HECW1: variants seen among roughly 807,000 people sequenced by gnomAD.
HECW1 encodes HECT, C2 and WW domain containing E3 ubiquitin protein ligase 1, also known as E3 ubiquitin-protein ligase HECW1.
A neutral mutation model predicts 182.3 loss-of-function variants in HECW1; 61 were observed. That is an observed-to-expected ratio of 0.33 (90% CI 0.27 to 0.41). HECW1 has a LOEUF of 0.41. HECW1 is among the 10% of genes least tolerant of loss of function. The pLI is 1.00. For synonymous variants in HECW1, 859 were observed against 832.6 expected (o/e 1.03, Z -0.55); for missense variants, 1,739 against 2,108.9 (o/e 0.82, Z 3.44).
At chr7:43,335,631 A>T (rs1339202888) in intron 5 of HECW1, among the ~76,000 whole-genome samples, 2 of 152,218 alleles carry the variant, frequency 1.3e-5, no homozygotes, top group Non-Finnish European at 2.9e-5. Flanking sequence ...AGCAGTCCAA[A>T]ATGACTTAGA....
At chr7:43,205,975 A>G (rs1240385036) in intron 2 of HECW1, among the ~76,000 whole-genome samples, 1 of 152,032 alleles carries the variant, frequency 6.6e-6, no homozygotes, top group Non-Finnish European at 1.5e-5. Context: ...ACCCCTCCCC[A>G]TCCAGGACAC....
Position 43,114,240 on chromosome 7 carries a change from T to G in HECW1, c.-183T>G. ...GAGGGAGGCATCTTCTCTCTTTTCC[T>G]GGGATTTAAACGCGATTTAGGAGGG... On this transcript the variant is annotated 5_prime_UTR_variant, in exon 2 of 30. Transcript: ENST00000395891. 2 of 1,362,474 alleles carry G rather than the reference T, an allele frequency of 1.5e-6. No homozygotes were observed. Among genetic ancestry groups the G allele is most frequent in the Non-Finnish European group, 9.7e-7 (1 of 1,034,718 alleles). 84.4% of individuals were successfully genotyped at this position (1,362,474 alleles called of 1,614,324 possible).
chr7:43,129,461 C>T (rs948827744), intron 2 of HECW1, among the ~76,000 whole-genome samples: 1 of 152,052 alleles, frequency 6.6e-6, no homozygotes, highest in African/African-American at 2.4e-5. Flanking sequence ...AATGCTATTG[C>T]ACTGCTAATA....
chr7:43,551,645 G>A (rs1469904401), intron 27 of HECW1, among the ~76,000 whole-genome samples: 2 of 152,166 alleles, frequency 1.3e-5, no homozygotes, highest in African/African-American at 2.4e-5. Flanking sequence ...TTCTGAGAGG[G>A]AGCATTAGGA....
chr7:43,453,596 TA>T (rs1445959304), intron 12 of HECW1, among the ~76,000 whole-genome samples: 1 of 152,234 alleles, frequency 6.6e-6, no homozygotes, highest in East Asian at 1.9e-4. Flanking sequence ...TTACATTTGT[TA>T]AAATTGTTCA....
intron 24 of HECW1, among the ~76,000 whole-genome samples, chr7:43,526,242 A>G (rs1257491191): frequency 1.3e-5 from 2 of 152,188 alleles, no homozygotes; most frequent in Non-Finnish European, 2.9e-5. Context: ...TTTGCCATTC[A>G]TGTGAAAATT....
In HECW1 at chr7:43,171,981, AAAAAT is replaced by A. The variant is rs564274238; in HGVS notation, c.-32+57600_-32+57604del. On this transcript the variant is annotated intron_variant, in intron 2 of 29. Transcript: ENST00000395891. ...TGTTATGTAGATTGCTTATAGGTAC[AAAAAT>A]AAAATAAAAATCCAGGCACAGTGGC... 7.5e-4 allele frequency among the ~76,000 whole-genome samples: 114 copies of A among 152,208 alleles called. 1 individual carries two copies. The highest frequency in any genetic ancestry group is 2.6e-3 in the African/African-American group (110 of 41,532).
At chr7:43,300,818 T>C (rs980831580) in intron 3 of HECW1, among the ~76,000 whole-genome samples, 9 of 152,158 alleles carry the variant, frequency 5.9e-5, no homozygotes, top group Non-Finnish European at 1.2e-4. Context: ...TCTGGCTTGA[T>C]GGGTGATCTG....
chr7:43,361,816 T>TC (rs1491124993), intron 6 of HECW1, among the ~76,000 whole-genome samples: 7 of 27,712 alleles, frequency 2.5e-4, no homozygotes, highest in African/African-American at 2.0e-3. Flanking sequence ...AGACTCTCTC[T>TC]TTTTTTTTTT....
chr7:43,400,062 C>T (rs1171244823), intron 7 of HECW1, among the ~76,000 whole-genome samples: 3 of 151,952 alleles, frequency 2.0e-5, no homozygotes, highest in Admixed American at 6.6e-5. Context: ...TAACAAGATC[C>T]CATTGCTACA....
chr7:43,548,721 C>T (rs539332214), intron 26 of HECW1, among the ~76,000 whole-genome samples: 5 of 152,172 alleles, frequency 3.3e-5, no homozygotes, highest in South Asian at 4.1e-4. Flanking sequence ...GCGGGTGGAT[C>T]GCTTGAGGCC....
chr7:43,210,180 G>C (rs1795880776), intron 2 of HECW1, among the ~76,000 whole-genome samples: 1 of 152,110 alleles, frequency 6.6e-6, no homozygotes, highest in Non-Finnish European at 1.5e-5. Context: ...CTGCCTGGAT[G>C]GGGAGACCTT....
intron 24 of HECW1, among the ~76,000 whole-genome samples, chr7:43,540,701 T>A (rs2081333541): frequency 2.0e-5 from 3 of 152,212 alleles, no homozygotes; most frequent in South Asian, 2.1e-4. Context: ...CCATATGGGC[T>A]CCATACTCAA....
chr7:43,360,553 A>G (rs1015071365), intron 5 of HECW1, among the ~76,000 whole-genome samples: 2 of 152,232 alleles, frequency 1.3e-5, no homozygotes, highest in Admixed American at 1.3e-4. Context: ...TTACAGAAGA[A>G]ACAGACAGGT....
intron 26 of HECW1, among the ~76,000 whole-genome samples, chr7:43,546,627 AAAC>A (rs140891753): frequency 0.15 from 21,817 of 142,798 alleles, 1,779 homozygotes; most frequent in East Asian, 0.33. Context: ...AAAAAAAAAA[AAAC>A]AAACAAACTT....
rs1405789260 is a variant in HECW1 at position 43,444,204 on chromosome 7, C to A, written c.1046-14C>A. 3 of 1,585,226 alleles carry A rather than the reference C, an allele frequency of 1.9e-6. No homozygotes were observed. On this transcript the variant is annotated splice_polypyrimidine_tract_variant and intron_variant, in intron 10 of 29. Coordinates refer to ENST00000395891, the MANE Select transcript of HECW1 (RefSeq NM_015052.5). The surrounding 1 kb of genome is among the most constrained non-coding windows in gnomAD (Gnocchi z 4.3). ...CTTCTGGGAGAAATGACATATTTTT[C>A]TTCTTACCAGCAGATGATGAGGAGA...
intron 8 of HECW1, among the ~76,000 whole-genome samples, chr7:43,416,880 T>C (rs1171949811): frequency 2.0e-5 from 3 of 151,488 alleles, no homozygotes; most frequent in Non-Finnish European, 2.9e-5. Flanking sequence ...CTCGCCCTGC[T>C]TCGGCTCGAG....
At chr7:43,312,176 T>C in intron 4 of HECW1, 89 bp downstream of exon 4, 1 of 1,182,654 alleles carries the variant, frequency 8.5e-7, no homozygotes, top group Non-Finnish European at 1.2e-6. Flanking sequence ...AATTAAAATA[T>C]ACAAGCAACT....
chr7:43,534,516 C>T (rs1328694032), intron 24 of HECW1, among the ~76,000 whole-genome samples: 1 of 152,220 alleles, frequency 6.6e-6, no homozygotes, highest in African/African-American at 2.4e-5. Context: ...GACTCAGCCC[C>T]TAAATTCTCC....
Sources: gnomAD v4.1 joint callset for allele counts (sites outside exome capture counted in the v4.1 genomes callset) on GRCh38, gnomAD v4.1.1 for gene constraint, Gnocchi (gnomAD v3.1) non-coding constraint, MANE v1.5 for transcripts, NCBI Gene and HGNC (gene_info 2026-07-23, HGNC 2026-07-21) for gene names.